RALGDS: variants seen among roughly 807,000 people sequenced by gnomAD.
The protein encoded by RALGDS is ral guanine nucleotide dissociation stimulator.
In RALGDS, 44 loss-of-function variants were observed where a neutral mutation model predicts 99.8. That is an observed-to-expected ratio of 0.44 (90% CI 0.35 to 0.57). The LOEUF is 0.57. Ranked by LOEUF, RALGDS falls within the 20% of genes least tolerant of loss-of-function variation. The pLI is 0.01. For missense variants in RALGDS, 1,022 were observed against 1,203.1 expected, an observed-to-expected ratio of 0.85 and a Z score of 2.23; for synonymous variants, 529 against 505.0, an observed-to-expected ratio of 1.05 and a Z score of -0.64.
chr9:133,113,781 GTCTC>G (rs949559229), intron 1 of RALGDS, among the ~76,000 whole-genome samples: 1 of 152,164 alleles, frequency 6.6e-6, no homozygotes, highest in Admixed American at 6.5e-5. Context: ...TCAGCTGGGA[GTCTC>G]TCTCTCTCCC....
rs528614533 is a variant in RALGDS, at chr9:133,100,475, G to A, written c.2455-93C>T. ...CCAAGGACCCTCTGGAGTCCCCTCA[G>A]CACCAAGCACAGGCACTCACAGCCT... On this transcript the variant is annotated intron_variant, in intron 16 of 17. Coordinates refer to ENST00000372050, the MANE Select transcript of RALGDS (RefSeq NM_006266.4). The A allele has an allele frequency of 2.5e-5, 40 of 1,603,032 alleles. No homozygotes were observed. The African/African-American group carries it at 4.5e-4, about 18-fold the overall frequency.
In RALGDS at chr9:133,098,184, G is replaced by T; in HGVS notation, c.*403C>A. The T allele has an allele frequency of 8.3e-6, 3 of 361,666 alleles. No individual in the cohort carries two copies. In the South Asian group the frequency reaches 1.0e-4, roughly 12 times the overall value. 22.4% of individuals were successfully genotyped at this position (361,666 alleles called of 1,614,324 possible). A position where few individuals can be genotyped will look rare whatever the true frequency, so the allele number is the denominator to read the frequency against. On this transcript the variant is annotated 3_prime_UTR_variant, in exon 18 of 18. Transcript: ENST00000372050. Reference sequence around the variant, plus strand: ...GCGAAGGTCACAGGCCAGTGCCTGTGGGCATGAGAGAACTGCAGTGGTCAC... The same window carrying T: ...GCGAAGGTCACAGGCCAGTGCCTGTTGGCATGAGAGAACTGCAGTGGTCAC...
chr9:133,106,986 G>C (rs574836911), intron 7 of RALGDS, 99 bp downstream of exon 7: 2 of 1,336,510 alleles, frequency 1.5e-6, no homozygotes, highest in African/African-American at 1.4e-5. Context: ...ATGCCCCTGG[G>C]AAGGGTAGAC....
In RALGDS at chr9:133,105,836, A is replaced by AGCCCCC. The variant is rs578071557; in HGVS notation, c.1602+90_1602+95dup. The AGCCCCC allele has an allele frequency of 5.6e-5, 10 of 179,948 alleles. No individual in the cohort carries two copies. In the African/African-American group the frequency reaches 1.2e-3, roughly 21 times the overall value. The allele number at this position is 179,948 out of a possible 1,614,324, so 11.1% of individuals were successfully genotyped here. ...CGCCCGCCGCCCCAGCCCCCGCCCC[A>AGCCCCC]GCCCCCGCCCCAGCCCCCGCCCCAG... On this transcript the variant is annotated intron_variant, in intron 9 of 17. Transcript: ENST00000372050.
At chr9:133,105,422 C>T (rs974188467) in intron 9 of RALGDS, among the ~76,000 whole-genome samples, 3 of 152,174 alleles carry the variant, frequency 2.0e-5, no homozygotes, top group Non-Finnish European at 4.4e-5. Flanking sequence ...AGGGAAGCCA[C>T]ATGGGGCCTC....
intron 14 of RALGDS, 143 bp from the exon 15 acceptor site, chr9:133,102,282 T>A: frequency 9.0e-7 from 1 of 1,109,442 alleles, no homozygotes; most frequent in South Asian, 1.4e-5. Flanking sequence ...TGGGAGAGCA[T>A]TTAGTATCAC....
Position 133,107,164 on chromosome 9 carries a change from AT to A in RALGDS, c.1333del (p.Ile445SerfsTer53), listed in dbSNP as rs749151853. On this transcript the variant is annotated frameshift_variant, in exon 7 of 18. Transcript: ENST00000372050. LOFTEE classifies it high-confidence loss of function. ...GCTTCGGTTCCCGAGGCAGGTGGTG[AT>A]GACACAGTTGGCCACACTGTTGAAC... ...TQFNSVANCV[I>X]TTCLGNRSTK... 2 of 1,613,708 alleles carry A rather than the reference AT, an allele frequency of 1.2e-6. No individual in the cohort carries two copies.
chr9:133,102,615 C>T (rs1250488847), intron 13 of RALGDS, 44 bp from the exon 14 acceptor site: 2 of 1,608,566 alleles, frequency 1.2e-6, no homozygotes, highest in South Asian at 2.2e-5. Context: ...GGGCCATGCT[C>T]CGGCCTTCCC....
chr9:133,100,248 C>T lies in RALGDS; in HGVS notation c.2569+20G>A, dbSNP rs757284853. ...GTGGACCTGCCCCCTCTGCCATCGC[C>T]CTCTGGTCTTCTGACTTACTCCGGT... On this transcript the variant is annotated intron_variant, in intron 17 of 17. Coordinates refer to ENST00000372050, the MANE Select transcript of RALGDS (RefSeq NM_006266.4). 1.9e-6 allele frequency: 3 copies of T among 1,609,438 alleles called. No individual in the cohort carries two copies. The South Asian group carries it at 3.3e-5, about 18-fold the overall frequency.
Position 133,144,496 on chromosome 9 carries a change from C to G in RALGDS, c.18+4467G>C, listed in dbSNP as rs1251735364. On this transcript the variant is annotated intron_variant, in intron 1 of 17. Coordinates refer to the RALGDS transcript ENST00000393160. This position sits in a 1 kb window ranked among gnomAD's most constrained non-coding sequence, Gnocchi z 4.5. ...ACCCATGAGGTGGCCGTGCCCCTGG[C>G]CTGTTTACAGCTGTGCGCAAGCTCC... Among the ~76,000 whole-genome samples, 3 of 152,246 alleles carry G rather than the reference C, an allele frequency of 2.0e-5. No individual in the cohort carries two copies. The highest frequency in any genetic ancestry group is 4.4e-5 in the Non-Finnish European group (3 of 68,046).
intron 3 of RALGDS, 51 bp downstream of exon 3, chr9:133,110,245 G>A (rs763801849): frequency 1.9e-5 from 30 of 1,546,848 alleles, no homozygotes; most frequent in Non-Finnish European, 5.4e-6. Flanking sequence ...CCAGGTGGGG[G>A]TGGGGGCGAG....
rs1345868529 is a variant in RALGDS at position 133,144,675 on chromosome 9, T to C, written c.18+4288A>G. ...CGCTCACGCCCCCACACCCCCTGGC[T>C]GGGGGCTGGGTTCCTGCGATGTCTT... On this transcript the variant is annotated intron_variant, in intron 1 of 17. Transcript: ENST00000393160. The surrounding 1 kb of genome is among the most constrained non-coding windows in gnomAD (Gnocchi z 4.5). 3.3e-5 allele frequency among the ~76,000 whole-genome samples: 5 copies of C among 152,194 alleles called. No homozygotes were observed. Among genetic ancestry groups the C allele is most frequent in the Non-Finnish European group, 7.4e-5 (5 of 68,020 alleles).
At position 133,121,034 on chromosome 9, in the gene RALGDS, C is replaced by G. The variant is rs1181454258; in HGVS notation, c.121G>C (p.Asp41His). 3 of 1,495,132 alleles carry G rather than the reference C, an allele frequency of 2.0e-6. No homozygotes were observed. The highest frequency in any genetic ancestry group is 2.1e-5 in the Admixed American group (1 of 46,678). 92.6% of individuals were successfully genotyped at this position (1,495,132 alleles called of 1,614,324 possible). Residue 41 changes from aspartate (D) to histidine (H), a missense_variant, in exon 1 of 18, where the codon GAC becomes CAC. Around this residue, in one of 3 missense-constraint regions of RALGDS, gnomAD observed 180 missense variants for 169.3 expected, o/e 1.06. Coordinates refer to ENST00000372050, the MANE Select transcript of RALGDS (RefSeq NM_006266.4). ...CTGTGCAGCACCACCGGGCAGCTGT[C>G]GGGGACGCCCACCTCCAGGCGCACG... ...DAVRLEVGVP[D>H]SCPVVLHSFT...
intron 16 of RALGDS, 171 bp downstream of exon 16, chr9:133,101,349 C>T: frequency 6.6e-7 from 1 of 1,505,632 alleles, no homozygotes. Flanking sequence ...CCTCTGCCCT[C>T]AGGCCAGCCT....
chr9:133,113,087 CT>C (rs1262664581), intron 1 of RALGDS, among the ~76,000 whole-genome samples: 1 of 152,218 alleles, frequency 6.6e-6, no homozygotes, highest in African/African-American at 2.4e-5. Context: ...TCACAGCCCC[CT>C]ATGCCACCTG....
At chr9:133,103,345 G>C (rs1300676205) in intron 11 of RALGDS, 83 bp from the exon 12 acceptor site, 7 of 1,562,192 alleles carry the variant, frequency 4.5e-6, no homozygotes, top group East Asian at 2.2e-5. Context: ...ACTATCAAGA[G>C]TGCCCACCAG....
In RALGDS at chr9:133,097,908, C is replaced by G. The variant is rs886545701; in HGVS notation, c.*679G>C. The G allele has an allele frequency of 4.4e-6, 1 of 229,358 alleles. No individual in the cohort carries two copies. The highest frequency in any genetic ancestry group is 8.6e-6 in the Non-Finnish European group (1 of 115,800). 14.2% of individuals were successfully genotyped at this position (229,358 alleles called of 1,614,324 possible). A position where few individuals can be genotyped will look rare whatever the true frequency, so the allele number is the denominator to read the frequency against. On this transcript the variant is annotated 3_prime_UTR_variant, in exon 18 of 18. Coordinates refer to ENST00000372050, the MANE Select transcript of RALGDS (RefSeq NM_006266.4). The stretch of plus-strand genomic sequence containing the variant: ...CACTAACCCCCGTCTTGCATGGTCT[C>G]GTAAAGCCCAGGACGCAGTGGTGAA...
intron 1 of RALGDS, among the ~76,000 whole-genome samples, chr9:133,143,771 TAACAAC>T (rs759265482): frequency 1.7e-3 from 189 of 111,604 alleles, no homozygotes; most frequent in African/African-American, 6.4e-3. Context: ...ATAATAATAA[TAACAAC>T]AACAACAACA....
upstream of RALGDS, among the ~76,000 whole-genome samples, chr9:133,134,217 CCT>C (rs759479128): frequency 4.6e-5 from 7 of 152,212 alleles, no homozygotes; most frequent in Non-Finnish European, 1.0e-4. Flanking sequence ...TGCACCTATG[CCT>C]GGCATCCCCT....
Sources: gnomAD v4.1 joint callset for allele counts (sites outside exome capture counted in the v4.1 genomes callset) on GRCh38, gnomAD v4.1.1 for gene constraint, gnomAD v4.1.1 regional missense constraint, Gnocchi (gnomAD v3.1) non-coding constraint, MANE v1.5 for transcripts, NCBI Gene and HGNC (gene_info 2026-07-23, HGNC 2026-07-21) for gene names.